The following FCHSD2 variants were observed in gnomAD, a reference collection of about 807,000 sequenced individuals.
FCHSD2 encodes FCH and double SH3 domains 2, also known as F-BAR and double SH3 domains protein 2.
FCHSD2 carries 38 observed loss-of-function variants against 108.1 expected under a neutral mutation model. The observed-to-expected ratio is 0.35, with a 90% CI of 0.27 to 0.46. The LOEUF (loss-of-function observed/expected upper bound fraction) is 0.46, where lower values mean the gene tolerates loss of function less well. Ranked by LOEUF, FCHSD2 falls within the 20% of genes least tolerant of loss-of-function variation. The probability of loss-of-function intolerance (pLI) is 1.00; values close to 1 mark genes in which losing one functional copy is unlikely to be tolerated. For synonymous variants in FCHSD2, 279 were observed against 314.7 expected (o/e 0.89, Z 1.20); for missense variants, 751 against 897.8 (o/e 0.84, Z 2.09).
Position 73,131,001 on chromosome 11 carries a change from T to A in FCHSD2, c.119+9030A>T, listed in dbSNP as rs11828012. On this transcript the variant is annotated intron_variant, in intron 2 of 19. Coordinates refer to ENST00000409418, the MANE Select transcript of FCHSD2 (RefSeq NM_014824.3). ...AAGTTCTAATTTGAAAGAATACTAA[T>A]TGAGAAGCAACTATGATTGTTGAAT... Among the ~76,000 whole-genome samples, 1,001 of 152,258 alleles carry A rather than the reference T, an allele frequency of 6.6e-3. 8 individuals carry two copies. The highest frequency in any genetic ancestry group is 0.023 in the African/African-American group (949 of 41,542).
At chr11:73,114,294 G>A (rs976606366) in intron 2 of FCHSD2, among the ~76,000 whole-genome samples, 14 of 151,814 alleles carry the variant, frequency 9.2e-5, no homozygotes, top group Non-Finnish European at 2.1e-4. Context: ...ATCTTGTGGT[G>A]AATTCTTCCA....
chr11:73,062,547 C>T (rs1272186792), intron 3 of FCHSD2, among the ~76,000 whole-genome samples: 5 of 152,076 alleles, frequency 3.3e-5, no homozygotes, highest in Non-Finnish European at 5.9e-5. Context: ...CTTGAAAAAA[C>T]GTTAGACGAA....
rs1591588768 is a variant in FCHSD2 at position 73,140,979 on chromosome 11, C to T, written c.22-851G>A. On this transcript the variant is annotated intron_variant, in intron 1 of 19. Transcript: ENST00000409418. The stretch of plus-strand genomic sequence containing the variant: ...AAAGAGAGAAAGCAGCGGCAGCAGA[C>T]ACGGGTGAGTTAGGCGTTAGGCAAA... Among the ~76,000 whole-genome samples the T allele has an allele frequency of 3.3e-5, 5 of 152,348 alleles. No homozygotes were observed. In the South Asian group the frequency reaches 1.0e-3, roughly 32 times the overall value.
intron 8 of FCHSD2, among the ~76,000 whole-genome samples, chr11:72,922,263 G>A: frequency 6.6e-6 from 1 of 152,082 alleles, no homozygotes; most frequent in East Asian, 1.9e-4. Context: ...GGAGTTAAGT[G>A]AAATAATAAA....
intron 12 of FCHSD2, among the ~76,000 whole-genome samples, chr11:72,869,846 T>C (rs1282520299): frequency 6.6e-6 from 1 of 152,192 alleles, no homozygotes; most frequent in Non-Finnish European, 1.5e-5. Flanking sequence ...ATCCATCTTT[T>C]ACAGTCTGTG....
At chr11:73,091,013 T>G (rs1859944021) in intron 2 of FCHSD2, among the ~76,000 whole-genome samples, 1 of 152,214 alleles carries the variant, frequency 6.6e-6, no homozygotes, top group African/African-American at 2.4e-5. Flanking sequence ...TGAAAAAAAT[T>G]ATATGTGACC....
intron 12 of FCHSD2, among the ~76,000 whole-genome samples, chr11:72,875,022 C>A (rs1372649300): frequency 6.6e-6 from 1 of 152,144 alleles, no homozygotes; most frequent in Admixed American, 6.5e-5. Context: ...CAGTCAATTA[C>A]CTAGATTTTA....
chr11:73,043,702 T>C (rs1858693633), intron 3 of FCHSD2, among the ~76,000 whole-genome samples: 1 of 152,218 alleles, frequency 6.6e-6, no homozygotes, highest in South Asian at 2.1e-4. Context: ...GATGTGACTA[T>C]GTGACTGAGT....
chr11:73,128,878 T>C (rs1045986889), intron 2 of FCHSD2, among the ~76,000 whole-genome samples: 2 of 152,216 alleles, frequency 1.3e-5, no homozygotes, highest in Admixed American at 1.3e-4. Context: ...TTTTTATTTT[T>C]ATTTTCTTTT....
intron 3 of FCHSD2, among the ~76,000 whole-genome samples, chr11:73,062,375 T>C (rs1591523732): frequency 6.6e-6 from 1 of 152,252 alleles, no homozygotes; most frequent in East Asian, 1.9e-4. Context: ...CCAAAATGCC[T>C]CTTCTCCTCC....
chr11:73,042,407 A>G (rs914709942), intron 3 of FCHSD2, among the ~76,000 whole-genome samples: 1 of 152,112 alleles, frequency 6.6e-6, no homozygotes, highest in Non-Finnish European at 1.5e-5. Flanking sequence ...AATCCATCCC[A>G]TTGTTCTATG....
intron 2 of FCHSD2, among the ~76,000 whole-genome samples, chr11:73,136,724 A>T (rs1591584875): frequency 1.3e-5 from 2 of 152,240 alleles, no homozygotes; most frequent in East Asian, 1.9e-4. Context: ...TTTACAACTT[A>T]ATTCATATAA....
chr11:72,976,530 C>T (rs1183740918), intron 8 of FCHSD2, among the ~76,000 whole-genome samples: 1 of 152,116 alleles, frequency 6.6e-6, no homozygotes, highest in Non-Finnish European at 1.5e-5. Flanking sequence ...TCCTCCCACC[C>T]CCGCCTTCCA....
At chr11:72,867,319 C>G (rs554332729) in intron 13 of FCHSD2, among the ~76,000 whole-genome samples, 1 of 152,130 alleles carries the variant, frequency 6.6e-6, no homozygotes, top group South Asian at 2.1e-4. Context: ...AGAAAAAGCC[C>G]TGGACTTGAA....
chr11:73,023,218 T>G (rs1858149481), intron 3 of FCHSD2, among the ~76,000 whole-genome samples: 1 of 152,126 alleles, frequency 6.6e-6, no homozygotes, highest in African/African-American at 2.4e-5. Flanking sequence ...TTAAACTCTT[T>G]CTTCTGGAAA....
At chr11:73,105,876 G>A (rs1008028556) in intron 2 of FCHSD2, among the ~76,000 whole-genome samples, 2 of 152,180 alleles carry the variant, frequency 1.3e-5, no homozygotes, top group Admixed American at 6.5e-5. Flanking sequence ...AAAAAGCATT[G>A]TATTTCAGGT....
intron 2 of FCHSD2, among the ~76,000 whole-genome samples, chr11:73,112,829 A>G (rs931134193): frequency 1.3e-5 from 2 of 151,892 alleles, no homozygotes; most frequent in Non-Finnish European, 2.9e-5. Context: ...TTATTTATTT[A>G]CTTATTTAGT....
chr11:72,885,579 C>A (rs1009597946), intron 12 of FCHSD2, among the ~76,000 whole-genome samples: 1 of 152,012 alleles, frequency 6.6e-6, no homozygotes, highest in Admixed American at 6.6e-5. Context: ...GGGTACCAGT[C>A]GGTGATACCA....
chr11:72,931,385 G>A (rs1856188971), intron 8 of FCHSD2, among the ~76,000 whole-genome samples: 2 of 148,410 alleles, frequency 1.3e-5, no homozygotes, highest in African/African-American at 4.9e-5. Flanking sequence ...GGGACTACAG[G>A]TGTGAGCCAC....
Sources: allele counts gnomAD v4.1 joint callset (sites outside exome capture counted in the v4.1 genomes callset), GRCh38; gene constraint gnomAD v4.1.1; transcripts MANE v1.5; gene names NCBI Gene and HGNC (gene_info 2026-07-23, HGNC 2026-07-21).